Variants in XKR6 observed in about 807,000 individuals in gnomAD.
XKR6 encodes XK-related protein 6.
A neutral mutation model predicts 56.7 loss-of-function variants in XKR6; 22 were observed. That is an observed-to-expected ratio of 0.39 (90% CI 0.28 to 0.55). The LOEUF is 0.55. XKR6 is among the 20% of genes least tolerant of loss of function. The pLI, the probability that XKR6 is intolerant of heterozygous loss-of-function variation, is 0.66. For synonymous variants in XKR6, 524 were observed against 387.8 expected, an observed-to-expected ratio of 1.35 and a Z score of -4.13; for missense variants, 852 against 889.0, an observed-to-expected ratio of 0.96 and a Z score of 0.53.
Position 11,200,023 on chromosome 8 carries a change from A to G in XKR6, c.764+553T>C, listed in dbSNP as rs2117170433. Among the ~76,000 whole-genome samples the G allele has an allele frequency of 6.6e-6, 1 of 152,208 alleles. No individual in the cohort carries two copies. On this transcript the variant is annotated intron_variant, in intron 1 of 2. Coordinates refer to ENST00000416569, the MANE Select transcript of XKR6 (RefSeq NM_173683.4). This position sits in a 1 kb window ranked among gnomAD's most constrained non-coding sequence, Gnocchi z 6.4. ...TCTGGGAAAGCAGTGGTTTGGAGTC[A>G]TTCACAGGGGCTGGGAGTGCAGGAG... is the stretch of plus-strand genomic sequence containing the variant.
intron 1 of XKR6, among the ~76,000 whole-genome samples, chr8:11,068,995 G>A (rs1206119177): frequency 6.6e-6 from 1 of 152,146 alleles, no homozygotes; most frequent in Non-Finnish European, 1.5e-5. Context: ...TCCATGGCCA[G>A]CCCAACCTCG....
chr8:10,950,518 T>A (rs1430282998), intron 1 of XKR6, among the ~76,000 whole-genome samples: 1 of 152,074 alleles, frequency 6.6e-6, no homozygotes, highest in Non-Finnish European at 1.5e-5. Flanking sequence ...ACCTCGTTCA[T>A]AAAGTGGGAA....
At chr8:11,086,133 A>AAAATATATATAT (rs1554454121) in intron 1 of XKR6, among the ~76,000 whole-genome samples, 5 of 90,068 alleles carry the variant, frequency 5.6e-5, no homozygotes, top group African/African-American at 2.3e-4. Flanking sequence ...TTAAAAAGAA[A>AAAATATATATAT]ATATATATAT....
intron 1 of XKR6, among the ~76,000 whole-genome samples, chr8:10,926,873 C>T (rs1338792914): frequency 6.6e-6 from 1 of 152,182 alleles, no homozygotes; most frequent in Non-Finnish European, 1.5e-5. Context: ...GGGGAGGTTG[C>T]ACCTAGTCTC....
chr8:11,118,226 GT>G (rs1396225592), intron 1 of XKR6, among the ~76,000 whole-genome samples: 5 of 135,690 alleles, frequency 3.7e-5, no homozygotes, highest in Non-Finnish European at 6.2e-5. Flanking sequence ...AAGCCCAACT[GT>G]CTGTCAAGGG....
intron 1 of XKR6, among the ~76,000 whole-genome samples, chr8:10,935,034 TC>T (rs1201466712): frequency 1.1e-5 from 1 of 91,862 alleles, no homozygotes; most frequent in African/African-American, 5.7e-5. Flanking sequence ...GGTCCTGGAC[TC>T]TTTTTGGTTG....
chr8:11,058,712 G>T (rs977701458), intron 1 of XKR6, among the ~76,000 whole-genome samples: 1 of 152,120 alleles, frequency 6.6e-6, no homozygotes, highest in Non-Finnish European at 1.5e-5. Context: ...TCGAGGGAGA[G>T]CATTAGGACA....
chr8:10,957,941 T>G (rs1195158552), intron 1 of XKR6, among the ~76,000 whole-genome samples: 1 of 151,316 alleles, frequency 6.6e-6, no homozygotes, highest in African/African-American at 2.4e-5. Flanking sequence ...AAAAACTTGG[T>G]GTACTATAGT....
At chr8:11,040,318 T>C (rs1799253982) in intron 1 of XKR6, among the ~76,000 whole-genome samples, 1 of 149,212 alleles carries the variant, frequency 6.7e-6, no homozygotes, top group African/African-American at 2.5e-5. Context: ...GCCCAGGAAT[T>C]TGAGACCAGC....
At chr8:11,114,090 G>C (rs761241374) in intron 1 of XKR6, 1 of 443,240 alleles carries the variant, frequency 2.3e-6, no homozygotes, top group Non-Finnish European at 4.5e-6. Context: ...CTTTCGCTTA[G>C]AGCTAAAAAT....
chr8:11,033,585 G>A (rs898057483), intron 1 of XKR6, among the ~76,000 whole-genome samples: 23 of 152,160 alleles, frequency 1.5e-4, no homozygotes, highest in African/African-American at 5.3e-4. Flanking sequence ...TGATGATACT[G>A]TTAATGGCCC....
In XKR6 at chr8:11,133,240, C is replaced by G. The variant is rs567458647; in HGVS notation, c.764+67336G>C. On this transcript the variant is annotated intron_variant, in intron 1 of 2. Transcript: ENST00000416569. ...ACATGATCATTGCTCTGTTTGTAACCAGCTAGAATCACAGGTTGACAGATC... is the reference window on the plus strand; with the variant it reads ...ACATGATCATTGCTCTGTTTGTAACGAGCTAGAATCACAGGTTGACAGATC... Among the ~76,000 whole-genome samples the G allele has an allele frequency of 2.0e-5, 3 of 152,164 alleles. No individual in the cohort carries two copies. In the South Asian group the frequency reaches 6.2e-4, roughly 32 times the overall value.
chr8:11,088,470 G>A (rs961392356), intron 1 of XKR6, among the ~76,000 whole-genome samples: 2 of 152,084 alleles, frequency 1.3e-5, no homozygotes, highest in Non-Finnish European at 2.9e-5. Context: ...CCAACCAAGC[G>A]CAATGTCCCT....
At chr8:10,986,621 G>C (rs369965326) in intron 1 of XKR6, among the ~76,000 whole-genome samples, 2 of 152,140 alleles carry the variant, frequency 1.3e-5, no homozygotes, top group South Asian at 2.1e-4. Flanking sequence ...ATAGTTGAGG[G>C]AACAAGCTTT....
chr8:10,913,324 C>A (rs1800464221), intron 2 of XKR6, among the ~76,000 whole-genome samples: 1 of 152,030 alleles, frequency 6.6e-6, no homozygotes, highest in Admixed American at 6.5e-5. Context: ...TCCCCAGCAT[C>A]CTCTGTGAGG....
chr8:10,969,389 A>C (rs910171396), intron 1 of XKR6, among the ~76,000 whole-genome samples: 1 of 152,226 alleles, frequency 6.6e-6, no homozygotes, highest in African/African-American at 2.4e-5. Flanking sequence ...AGTGGTATCC[A>C]AAGGAACTCC....
At chr8:11,036,846 G>C (rs375046011) in intron 1 of XKR6, among the ~76,000 whole-genome samples, 2 of 152,208 alleles carry the variant, frequency 1.3e-5, no homozygotes, top group African/African-American at 4.8e-5. Flanking sequence ...GAACTCCCTG[G>C]AAGGTGGCTG....
chr8:11,146,395 G>C (rs1024280203), intron 1 of XKR6, among the ~76,000 whole-genome samples: 1 of 152,218 alleles, frequency 6.6e-6, no homozygotes, highest in Non-Finnish European at 1.5e-5. Flanking sequence ...GGAGACTGGG[G>C]CAGTCGGTCT....
chr8:10,994,735 G>A (rs1390322201), intron 1 of XKR6, among the ~76,000 whole-genome samples: 1 of 152,270 alleles, frequency 6.6e-6, no homozygotes, highest in East Asian at 1.9e-4. Flanking sequence ...CCATTTTATC[G>A]ATGAGGAAAC....
Sources: allele counts gnomAD v4.1 joint callset (sites outside exome capture counted in the v4.1 genomes callset), GRCh38; gene constraint gnomAD v4.1.1; non-coding constraint Gnocchi (gnomAD v3.1); transcripts MANE v1.5; gene names NCBI Gene and HGNC (gene_info 2026-07-23, HGNC 2026-07-21).